The following SRPK3 variants were observed in gnomAD, a reference collection of about 807,000 sequenced individuals.
The protein encoded by SRPK3 is SRSF protein kinase 3, also known as SFRS protein kinase 3.
SRPK3 carries 26 observed loss-of-function variants against 45.3 expected under a neutral mutation model. The observed-to-expected ratio is 0.57, with a 90% CI of 0.42 to 0.80. The LOEUF (loss-of-function observed/expected upper bound fraction) is 0.80. SRPK3 is among the 30% of genes least tolerant of loss of function. The pLI, the probability that SRPK3 is intolerant of heterozygous loss-of-function variation, is 0.00. For synonymous variants in SRPK3, 254 were observed against 226.6 expected, an observed-to-expected ratio of 1.12 and a Z score of -1.09; for missense variants, 536 against 514.5, an observed-to-expected ratio of 1.04 and a Z score of -0.40.
Position 153,784,838 on chromosome X carries a change from T to C in SRPK3, c.1337T>C (p.Ile446Thr). The change falls in exon 12 of 15, where the codon ATC (isoleucine) becomes ACC (threonine). Residue 446 changes from isoleucine to threonine, a missense_variant. Physicochemically the swap from Ile to Thr is moderately conservative, Grantham distance 89 (BLOSUM62 -1). Transcript: ENST00000370101. The stretch of plus-strand genomic sequence containing the variant: ...GCCGAATACGGCCCCCCGGCAGACA[T>C]CTGGAGCACAGCCTGCATGGTACGC... ...IGAEYGPPAD[I>T]WSTACMAFEL... is the part of the protein sequence containing the mutation. 1 of 1,211,122 alleles carries C rather than the reference T, an allele frequency of 8.3e-7. No individual in the cohort carries two copies. The highest frequency in any genetic ancestry group is 1.8e-5 in the South Asian group (1 of 57,021).
chrX:153,784,925 C>G lies in SRPK3; in HGVS notation c.1357-9C>G. 1.7e-6 allele frequency: 2 copies of G among 1,210,821 alleles called. No homozygotes were observed. The highest frequency in any genetic ancestry group is 2.2e-6 in the Non-Finnish European group (2 of 895,224). On this transcript the variant is annotated splice_polypyrimidine_tract_variant and intron_variant, in intron 12 of 14. Coordinates refer to ENST00000370101, the MANE Select transcript of SRPK3 (RefSeq NM_014370.4). ...ACCAGCCAGCAGCCTCACCTCCTCC[C>G]CCTTCCAGGCCTTCGAGCTGGCCAC...
In SRPK3 at chrX:153,784,813, G is replaced by A. The variant is rs781935040; in HGVS notation, c.1312G>A (p.Ala438Thr). The A allele has an allele frequency of 1.5e-5, 18 of 1,210,529 alleles. No homozygotes were observed. Among genetic ancestry groups the A allele is most frequent in the Middle Eastern group, 2.3e-4 (1 of 4,372 alleles). The part of the protein sequence containing the change: ...QYRAVEVLIG[A>T]EYGPPADIWS... ...CCGGGCCGTCGAGGTGCTGATCGGCGCCGAATACGGCCCCCCGGCAGACAT... is the reference window on the plus strand; with the variant it reads ...CCGGGCCGTCGAGGTGCTGATCGGCACCGAATACGGCCCCCCGGCAGACAT... Residue 438 changes from alanine to threonine, a missense_variant, in exon 12 of 15, where the codon GCC becomes ACC. Transcript: ENST00000370101.
rs1557067422 is a variant in SRPK3 at position 153,783,021 on chromosome X, C to T, written c.651C>T (p.Asn217=). 1.3e-5 allele frequency: 16 copies of T among 1,186,950 alleles called. No homozygotes were observed. Among genetic ancestry groups the T allele is most frequent in the Non-Finnish European group, 1.8e-5 (16 of 881,684 alleles). ...TCCACACGGACATCAAGCCCGAGAA[C>T]ATCTTGCTGTGTGTGGGGGACGCTT... ...KIIHTDIKPE[N]ILLCVGDAYI... is the part of the protein sequence containing the mutation. Residue 217 remains asparagine, a synonymous_variant, in exon 7 of 15, where the codon AAC becomes AAT. Coordinates refer to ENST00000370101, the MANE Select transcript of SRPK3 (RefSeq NM_014370.4).
In SRPK3 at chrX:153,782,853, C is replaced by T. The variant is rs371221238; in HGVS notation, c.557C>T (p.Pro186Leu). 3 of 1,209,848 alleles carry T rather than the reference C, an allele frequency of 2.5e-6. No homozygotes were observed. The highest frequency in any genetic ancestry group is 2.2e-5 in the Admixed American group (1 of 45,960). Reference protein sequence around the residue: ...IKSNYQGLPVPCVKSIVRQVL... With the variant: ...IKSNYQGLPVLCVKSIVRQVL... ...TCCAACTACCAGGGCCTGCCCGTGC[C>T]CTGCGTGAAGAGCATCGTGAGGCAG... Residue 186 changes from proline (P) to leucine (L), a missense_variant, in exon 6 of 15, where the codon CCC becomes CTC. Physicochemically the swap from Pro to Leu is moderately conservative, Grantham distance 98. Coordinates refer to ENST00000370101, the MANE Select transcript of SRPK3 (RefSeq NM_014370.4).
rs1308861822 is a variant in SRPK3 at position 153,781,276 on chromosome X, G to A, written c.120G>A (p.Val40=). ...SGSELALATP[V]PQMLQGLLGS... Reference sequence around the variant, plus strand: ...CCGAACTAGCCCTGGCCACACCGGTGCCTCAGATGCTGCAGGGCCTTCTGG... The same window carrying A: ...CCGAACTAGCCCTGGCCACACCGGTACCTCAGATGCTGCAGGGCCTTCTGG... Residue 40 remains valine (V), a synonymous_variant, in exon 2 of 15, where the codon GTG becomes GTA. Transcript: ENST00000370101. 1.2e-5 allele frequency: 15 copies of A among 1,208,605 alleles called. No individual in the cohort carries two copies. The highest frequency in any genetic ancestry group is 6.6e-5 in the Admixed American group (3 of 45,796).
Position 153,781,097 on chromosome X carries a change from G to A in SRPK3, c.11G>A (p.Ser4Asn). Residue 4 changes from serine to asparagine, a missense_variant, in exon 1 of 15, where the codon AGC becomes AAC. By Grantham distance (46) the Ser-to-Asn change is conservative. Coordinates refer to ENST00000370101, the MANE Select transcript of SRPK3 (RefSeq NM_014370.4). MSA[S>N]TGGGGDSGGS... ...GGCTGCGTGGCCGGGATGAGCGCCA[G>A]CACGGGCGGTGGTGGGGACAGCGGC... 9.0e-7 allele frequency: 1 copy of A among 1,110,006 alleles called. No individual in the cohort carries two copies. The highest frequency in any genetic ancestry group is 1.2e-6 in the Non-Finnish European group (1 of 848,162). The allele number at this position is 1,110,006 out of a possible 1,213,427, so 91.5% of individuals were successfully genotyped here. A position where few individuals can be genotyped will look rare whatever the true frequency, so the allele number is the denominator to read the frequency against.
At position 153,783,355 on chromosome X, in the gene SRPK3, C is replaced by T; in HGVS notation, c.774+104C>T. On this transcript the variant is annotated intron_variant, in intron 8 of 14. Coordinates refer to ENST00000370101, the MANE Select transcript of SRPK3 (RefSeq NM_014370.4). The stretch of plus-strand genomic sequence containing the variant: ...CTCCACCCCCCACCTTCACGCACTC[C>T]CACGGTGGTAATCCCGAAAGGCTGG... 4 of 561,515 alleles carry T rather than the reference C, an allele frequency of 7.1e-6. No homozygotes were observed. In the South Asian group the frequency reaches 1.3e-4, roughly 18 times the overall value. 46.3% of individuals were successfully genotyped at this position (561,515 alleles called of 1,213,427 possible).
In SRPK3 at chrX:153,781,531, G is replaced by A. The variant is rs782083267; in HGVS notation, c.217G>A (p.Asp73Asn). 2.5e-5 allele frequency: 30 copies of A among 1,209,253 alleles called. No homozygotes were observed. Among genetic ancestry groups the A allele is most frequent in the Non-Finnish European group, 2.8e-5 (25 of 894,872 alleles). ...CGGCTACCACCCTGTGAAGATCGGC[G>A]ACGTGTTCAATGGGCGGTACCACGT... ...KGGYHPVKIG[D>N]VFNGRYHVVR... Residue 73 changes from aspartate (D) to asparagine (N), a missense_variant, in exon 3 of 15, where the codon GAC (aspartate) becomes AAC (asparagine). Coordinates refer to ENST00000370101, the MANE Select transcript of SRPK3 (RefSeq NM_014370.4).
rs782369243 is a variant in SRPK3 at position 153,781,847 on chromosome X, C to A, written c.387+17C>A. On this transcript the variant is annotated intron_variant, in intron 4 of 14. Transcript: ENST00000370101. ...CTGAAATGTGTGAGGCACCTCCCTA[C>A]CCCACTCCCAGCTCCCCTGGAGCTG... 1 of 1,206,704 alleles carries A rather than the reference C, an allele frequency of 8.3e-7. No individual in the cohort carries two copies. Among genetic ancestry groups the A allele is most frequent in the Admixed American group, 2.2e-5 (1 of 45,721 alleles).
chrX:153,782,702 C>T lies in SRPK3; in HGVS notation c.476-70C>T. 4.7e-6 allele frequency: 5 copies of T among 1,060,223 alleles called. No homozygotes were observed. The South Asian group carries it at 1.1e-4, about 23-fold the overall frequency. The allele number at this position is 1,060,223 out of a possible 1,213,427, so 87.4% of individuals were successfully genotyped here. On this transcript the variant is annotated intron_variant, in intron 5 of 14. Transcript: ENST00000370101. Reference sequence around the variant, plus strand: ...CCACACGGCCCAAGCCTTGCTGCTCCCCTAGCTGAGGGTGGGTGGGGCCTG... The same window carrying T: ...CCACACGGCCCAAGCCTTGCTGCTCTCCTAGCTGAGGGTGGGTGGGGCCTG...
In SRPK3 at chrX:153,784,205, C is replaced by T; in HGVS notation, c.1139C>T (p.Ser380Leu). Residue 380 changes from serine to leucine, a missense_variant, in exon 10 of 15, where the codon TCG becomes TTG. Transcript: ENST00000370101. ...CAGCGAGAGACCGGGGGCCTCCTGT[C>T]GCCTAGCAGTAAGTTGGGTGGCAAG... ...SNQRETGGLL[S>L]PSTPFGASNL... 2.5e-6 allele frequency: 3 copies of T among 1,210,853 alleles called. No individual in the cohort carries two copies. Among genetic ancestry groups the T allele is most frequent in the African/African-American group, 1.7e-5 (1 of 57,906 alleles).
intron 7 of SRPK3, 34 bp from the exon 8 acceptor site, chrX:153,783,192 G>GCCCCCCCCCCCCCCCCCCCCCCCCCCCC (rs781851056): frequency 1.1e-6 from 1 of 916,510 alleles, no homozygotes; most frequent in African/African-American, 2.1e-5. Flanking sequence ...GTTCCTCCCT[G>GCCCCCCCCCCCCCCCCCCCCCCCCCCCC]TCCCCCCCCA....
chrX:153,782,167 A>G lies in SRPK3; in HGVS notation c.434A>G (p.Gln145Arg). The G allele has an allele frequency of 8.3e-7, 1 of 1,211,457 alleles. No homozygotes were observed. Among genetic ancestry groups the G allele is most frequent in the South Asian group, 1.8e-5 (1 of 56,970 alleles). Residue 145 changes from glutamine to arginine, a missense_variant, in exon 5 of 15, where the codon CAG becomes CGG. Gln to Arg is a conservative substitution (Grantham distance 43). Coordinates refer to ENST00000370101, the MANE Select transcript of SRPK3 (RefSeq NM_014370.4). ...PSDPKRETIVQLIDDFRISGV... is the reference protein window; with the variant it reads ...PSDPKRETIVRLIDDFRISGV... Reference sequence around the variant, plus strand: ...GACCCCAAAAGAGAGACCATTGTCCAGCTCATTGATGACTTCAGGATCTCA... The same window carrying G: ...GACCCCAAAAGAGAGACCATTGTCCGGCTCATTGATGACTTCAGGATCTCA...
At position 153,785,515 on chromosome X, in the gene SRPK3, C is replaced by A. The variant is rs1557068792; in HGVS notation, c.1699C>A (p.Pro567Thr). 11 of 1,202,158 alleles carry A rather than the reference C, an allele frequency of 9.2e-6. No homozygotes were observed. The highest frequency in any genetic ancestry group is 1.1e-5 in the Non-Finnish European group (10 of 889,229). The change falls in exon 15 of 15, where the codon CCC becomes ACC. Residue 567 changes from proline to threonine, a missense_variant. Coordinates refer to ENST00000370101, the MANE Select transcript of SRPK3 (RefSeq NM_014370.4). ...CTGCCTCCAGCACCCCTGGCTCAAC[C>A]CCTAGGCCCGGCTGTGGCTCCACCT... ...ADCLQHPWLN[P>T] is the part of the protein sequence containing the mutation.
Position 153,784,209 on chromosome X carries a change from T to C in SRPK3, c.1143T>C (p.Pro381=), listed in dbSNP as rs782754541. 7 of 1,209,568 alleles carry C rather than the reference T, an allele frequency of 5.8e-6. No homozygotes were observed. Among genetic ancestry groups the C allele is most frequent in the South Asian group, 3.5e-5 (2 of 56,846 alleles). ...GAGAGACCGGGGGCCTCCTGTCGCCTAGCAGTAAGTTGGGTGGCAAGTGGT... is the reference window on the plus strand; with the variant it reads ...GAGAGACCGGGGGCCTCCTGTCGCCCAGCAGTAAGTTGGGTGGCAAGTGGT... ...NQRETGGLLS[P]STPFGASNLL... The change falls in exon 10 of 15, where the codon CCT becomes CCC. Residue 381 remains proline, a synonymous_variant. Coordinates refer to ENST00000370101, the MANE Select transcript of SRPK3 (RefSeq NM_014370.4).
intron 5 of SRPK3, 67 bp from the exon 6 acceptor site, chrX:153,782,705 T>A (rs781887193): frequency 9.4e-7 from 1 of 1,067,774 alleles, no homozygotes; most frequent in Non-Finnish European, 1.3e-6. Flanking sequence ...GCTGCTCCCC[T>A]AGCTGAGGGT....
Position 153,784,671 on chromosome X carries a change from G to A in SRPK3, c.1249-79G>A, listed in dbSNP as rs1292776138. Reference sequence around the variant, plus strand: ...ACCCCACTGAGCTCCTCGGGTAGGCGGATCGGGGTGGGGCAGGAGTCCGTG... The same window carrying A: ...ACCCCACTGAGCTCCTCGGGTAGGCAGATCGGGGTGGGGCAGGAGTCCGTG... On this transcript the variant is annotated intron_variant, in intron 11 of 14. Transcript: ENST00000370101. 9 of 1,116,724 alleles carry A rather than the reference G, an allele frequency of 8.1e-6. No individual in the cohort carries two copies. The East Asian group carries it at 1.2e-4, about 15-fold the overall frequency. 92.0% of individuals were successfully genotyped at this position (1,116,724 alleles called of 1,213,427 possible).
Position 153,783,782 on chromosome X carries a change from A to G in SRPK3, c.805A>G (p.Lys269Glu). ...QTGKLSKNKR[K>E]KMRRKRKQQK... ...CGGTAAGCTGTCCAAAAACAAGAGG[A>G]AGAAGATGAGGCGCAAACGGAAACA... is the stretch of plus-strand genomic sequence containing the variant. Residue 269 changes from lysine (K) to glutamate (E), a missense_variant, in exon 9 of 15, where the codon AAG (lysine) becomes GAG (glutamate). Physicochemically the swap from Lys to Glu is moderately conservative, Grantham distance 56. Transcript: ENST00000370101. 2 of 1,210,587 alleles carry G rather than the reference A, an allele frequency of 1.7e-6. No homozygotes were observed. Among genetic ancestry groups the G allele is most frequent in the Non-Finnish European group, 2.2e-6 (2 of 895,364 alleles).
intron 4 of SRPK3, 61 bp downstream of exon 4, chrX:153,781,891 G>A (rs1472343351): frequency 1.3e-5 from 15 of 1,151,971 alleles, no homozygotes; most frequent in East Asian, 3.0e-5. Context: ...CTGGCAATGC[G>A]GGTGCAAGGC....
Sources: allele counts gnomAD v4.1 joint callset, GRCh38; gene constraint gnomAD v4.1.1; transcripts MANE v1.5; gene names NCBI Gene and HGNC (gene_info 2026-07-23, HGNC 2026-07-21).